MINDY4: variants seen among roughly 807,000 people sequenced by gnomAD.
MINDY4 encodes probable ubiquitin carboxyl-terminal hydrolase MINDY-4.
Under a neutral mutation model 87.0 loss-of-function variants are expected in MINDY4, and 68 were observed. The observed-to-expected ratio is 0.78, with a 90% CI of 0.64 to 0.96. The LOEUF (loss-of-function observed/expected upper bound fraction) is 0.96. Ranked by LOEUF, MINDY4 falls within the 40% of genes least tolerant of loss-of-function variation. The probability of loss-of-function intolerance (pLI) is 0.00; values close to 1 mark genes in which losing one functional copy is unlikely to be tolerated. For missense variants in MINDY4, 919 were observed against 928.2 expected (o/e 0.99, Z 0.13); for synonymous variants, 379 against 363.2 (o/e 1.04, Z -0.50).
intron 12 of MINDY4, among the ~76,000 whole-genome samples, chr7:30,854,750 C>T (rs1789520940): frequency 6.6e-6 from 1 of 152,222 alleles, no homozygotes; most frequent in Admixed American, 6.5e-5. Flanking sequence ...AAGGCCTGGG[C>T]ACAGCCCTGG....
intron 3 of MINDY4, 128 bp downstream of exon 3, chr7:30,782,340 G>A: frequency 1.6e-6 from 1 of 641,946 alleles, no homozygotes; most frequent in Non-Finnish European, 2.5e-6. Context: ...GTGTGTGTAT[G>A]TTTGTGTGTG....
rs180930799 is a variant in MINDY4, at chr7:30,785,806, G to A, written c.477G>A (p.Pro159=). ...ATTTTGTATCATCTAAAAGGCCCCC[G>A]CACAAAAGTAAGCCCATGCAGACGG... ...LGNFVSSKRP[P]HKSKPMQTVP... The change falls in exon 4 of 18, where the codon CCG becomes CCA. Residue 159 remains proline, a synonymous_variant. Transcript: ENST00000265299. The A allele has an allele frequency of 3.4e-4, 553 of 1,614,160 alleles. No homozygotes were observed. The African/African-American group carries it at 5.1e-3, about 15-fold the overall frequency.
In MINDY4 at chr7:30,875,607, G is replaced by A. The variant is rs201694248; in HGVS notation, c.1922G>A (p.Arg641His). The A allele has an allele frequency of 1.7e-5, 28 of 1,613,962 alleles. No homozygotes were observed. Among genetic ancestry groups the A allele is most frequent in the African/African-American group, 4.0e-5 (3 of 74,922 alleles). ...ACACTTCTCAGAGGCATTGCTGCAC[G>A]CAGTGATATTGGCTTCTTATCTCTC... ...NITLLRGIAA[R>H]SDIGFLSLFE... Residue 641 changes from arginine (R) to histidine (H), a missense_variant, in exon 15 of 18, where the codon CGC becomes CAC. Physicochemically the swap from Arg to His is conservative, Grantham distance 29. Transcript: ENST00000265299.
intron 5 of MINDY4, among the ~76,000 whole-genome samples, 183 bp downstream of exon 5, chr7:30,791,757 T>C (rs989550401): frequency 6.6e-6 from 1 of 152,300 alleles, no homozygotes; most frequent in Admixed American, 6.5e-5. Context: ...CAGCCAGAGC[T>C]CACACACCTG....
intron 6 of MINDY4, among the ~76,000 whole-genome samples, chr7:30,836,115 A>T (rs947041495): frequency 6.6e-6 from 1 of 152,192 alleles, no homozygotes; most frequent in Non-Finnish European, 1.5e-5. Context: ...ACTTTCTCAT[A>T]AGGCTGTTGT....
intron 13 of MINDY4, among the ~76,000 whole-genome samples, chr7:30,868,490 A>G (rs564627846): frequency 6.6e-6 from 1 of 152,218 alleles, no homozygotes; most frequent in South Asian, 2.1e-4. Context: ...CAGCCTGCTC[A>G]GTGGCAGAGC....
intron 9 of MINDY4, among the ~76,000 whole-genome samples, chr7:30,848,961 G>T (rs767404888): frequency 1.1e-3 from 164 of 152,312 alleles, no homozygotes; most frequent in Middle Eastern, 3.4e-3. Flanking sequence ...CCAGCCACTG[G>T]TCCAGGGACC....
chr7:30,800,848 A>G (rs1026938517), intron 5 of MINDY4, among the ~76,000 whole-genome samples: 5 of 152,200 alleles, frequency 3.3e-5, no homozygotes, highest in African/African-American at 1.2e-4. Context: ...GACACTGGGG[A>G]TGCCTGGCAG....
At chr7:30,814,639 T>C (rs1419625439) in intron 5 of MINDY4, among the ~76,000 whole-genome samples, 1 of 152,212 alleles carries the variant, frequency 6.6e-6, no homozygotes, top group Non-Finnish European at 1.5e-5. Flanking sequence ...TAAGCAATTA[T>C]TATTGTAAGG....
At chr7:30,825,319 A>G (rs930412449) in intron 5 of MINDY4, among the ~76,000 whole-genome samples, 3 of 152,212 alleles carry the variant, frequency 2.0e-5, no homozygotes, top group Non-Finnish European at 2.9e-5. Flanking sequence ...GATGAGATCT[A>G]TGGGAACCCG....
intron 9 of MINDY4, among the ~76,000 whole-genome samples, chr7:30,848,362 T>A (rs910210072): frequency 3.3e-5 from 5 of 152,112 alleles, no homozygotes; most frequent in African/African-American, 1.2e-4. Flanking sequence ...ACAGCTGAAC[T>A]GAGGGCAGAA....
intron 5 of MINDY4, among the ~76,000 whole-genome samples, chr7:30,824,014 C>T (rs559649927): frequency 2.0e-5 from 3 of 152,274 alleles, no homozygotes; most frequent in African/African-American, 7.2e-5. Context: ...ATTTGAACTC[C>T]ACTGACACTG....
chr7:30,782,174 A>C lies in MINDY4; in HGVS notation c.381A>C (p.Ala127=). 1.9e-6 allele frequency: 3 copies of C among 1,613,744 alleles called. No individual in the cohort carries two copies. In the South Asian group the frequency reaches 3.3e-5, roughly 18 times the overall value. Residue 127 remains alanine, a synonymous_variant, in exon 3 of 18, where the codon GCA becomes GCC. Transcript: ENST00000265299. ...VNIYDLSDED[A]GWRTSLSETS... Reference sequence around the variant, plus strand: ...TATATGACCTTTCAGATGAAGATGCAGGATGGAGAACATCATTGTCAGAAA... The same window carrying C: ...TATATGACCTTTCAGATGAAGATGCCGGATGGAGAACATCATTGTCAGAAA...
rs74376606 is a variant in MINDY4, at chr7:30,822,627, T to TTTTATTTATTTATTTATTTATTTATTTA, written c.1074-6025_1074-6024insATTTATTTATTTATTTATTTATTTATTT. Among the ~76,000 whole-genome samples the TTTTATTTATTTATTTATTTATTTATTTA allele has an allele frequency of 3.7e-3, 539 of 145,726 alleles. 3 individuals are homozygous for TTTTATTTATTTATTTATTTATTTATTTA. Among genetic ancestry groups the TTTTATTTATTTATTTATTTATTTATTTA allele is most frequent in the African/African-American group, 0.012 (457 of 37,726 alleles). ...TTGTCTTGGTTGACGTGCCTGTCTA[T>TTTTATTTATTTATTTATTTATTTATTTA]TTTATTTATTTATTTATTTATTTAT... On this transcript the variant is annotated intron_variant, in intron 5 of 17. Transcript: ENST00000265299.
At chr7:30,812,859 G>GT (rs1562539362) in intron 5 of MINDY4, among the ~76,000 whole-genome samples, 1 of 152,102 alleles carries the variant, frequency 6.6e-6, no homozygotes, top group African/African-American at 2.4e-5. Flanking sequence ...CACCCCCATC[G>GT]TGAGGCTCAA....
intron 14 of MINDY4, among the ~76,000 whole-genome samples, chr7:30,874,865 C>T (rs968354248): frequency 6.6e-6 from 1 of 152,220 alleles, no homozygotes; most frequent in East Asian, 1.9e-4. Context: ...ATAATGGGCT[C>T]TGGTTATGTA....
intron 7 of MINDY4, among the ~76,000 whole-genome samples, chr7:30,837,323 C>G (rs10229462): frequency 6.6e-6 from 1 of 152,088 alleles, no homozygotes; most frequent in African/African-American, 2.4e-5. Flanking sequence ...TCACCACTCC[C>G]GTGACCAGAG....
intron 5 of MINDY4, among the ~76,000 whole-genome samples, chr7:30,800,635 G>A (rs1439917494): frequency 6.6e-6 from 1 of 152,234 alleles, no homozygotes; most frequent in Non-Finnish European, 1.5e-5. Context: ...GGGGGCAGGA[G>A]GGCCCTGGGC....
At chr7:30,795,981 A>G (rs1241329730) in intron 5 of MINDY4, among the ~76,000 whole-genome samples, 3 of 152,134 alleles carry the variant, frequency 2.0e-5, no homozygotes, top group African/African-American at 7.2e-5. Context: ...AGCAACCTTG[A>G]TTTCATCTGC....
Sources: allele counts gnomAD v4.1 joint callset (sites outside exome capture counted in the v4.1 genomes callset), GRCh38; gene constraint gnomAD v4.1.1; transcripts MANE v1.5; gene names NCBI Gene and HGNC (gene_info 2026-07-23, HGNC 2026-07-21).